The following DAB1 variants were observed in gnomAD, a reference collection of about 807,000 sequenced individuals.
DAB1 encodes disabled homolog 1.
In DAB1, 15 loss-of-function variants were observed where a neutral mutation model predicts 64.6. The ratio of observed to expected loss-of-function variants is 0.23; its 90% CI spans 0.16 to 0.36. The LOEUF is 0.36. Among genes scored for constraint, DAB1 ranks in the 10% least tolerant of loss-of-function variants. DAB1 has a pLI of 1.00. For missense variants in DAB1, 596 were observed against 706.7 expected, an observed-to-expected ratio of 0.84 and a Z score of 1.78; for synonymous variants, 235 against 251.9, an observed-to-expected ratio of 0.93 and a Z score of 0.64.
intron 1 of DAB1, among the ~76,000 whole-genome samples, chr1:57,310,007 A>G (rs1674536337): frequency 2.0e-5 from 3 of 152,244 alleles, no homozygotes; most frequent in Non-Finnish European, 4.4e-5. Flanking sequence ...AAACACGTTT[A>G]TTTACTCTTT....
At chr1:57,799,708 C>A (rs1235418398) in intron 6 of DAB1, among the ~76,000 whole-genome samples, 1 of 152,006 alleles carries the variant, frequency 6.6e-6, no homozygotes. Flanking sequence ...AATATGCAAG[C>A]TAAGAATGGT....
At chr1:58,017,807 G>A (rs1365961320) in intron 5 of DAB1, among the ~76,000 whole-genome samples, 1 of 152,168 alleles carries the variant, frequency 6.6e-6, no homozygotes, top group African/African-American at 2.4e-5. Context: ...GCTCCCAACT[G>A]GAGGCACATG....
chr1:57,229,826 T>A (rs925891624), intron 2 of DAB1, among the ~76,000 whole-genome samples: 3 of 152,210 alleles, frequency 2.0e-5, no homozygotes, highest in African/African-American at 7.2e-5. Context: ...CTGTTTCCCA[T>A]GTGAGGTCAC....
At chr1:57,532,159 A>G (rs1433470450) in intron 7 of DAB1, among the ~76,000 whole-genome samples, 1 of 152,174 alleles carries the variant, frequency 6.6e-6, no homozygotes, top group Admixed American at 6.5e-5. Flanking sequence ...TTGGTAAACT[A>G]TCAGGTAACA....
intron 2 of DAB1, among the ~76,000 whole-genome samples, chr1:58,524,816 T>A (rs1332559364): frequency 1.3e-5 from 2 of 152,200 alleles, no homozygotes; most frequent in African/African-American, 4.8e-5. Flanking sequence ...TTTACAGTAT[T>A]GCACTAAACA....
intron 1 of DAB1, among the ~76,000 whole-genome samples, chr1:57,415,418 A>T (rs555296438): frequency 6.6e-6 from 1 of 152,222 alleles, no homozygotes; most frequent in African/African-American, 2.4e-5. Context: ...GAAACAAGAC[A>T]TAAAAAGTGC....
At chr1:57,584,625 A>G (rs909228367) in intron 7 of DAB1, among the ~76,000 whole-genome samples, 17 of 152,130 alleles carry the variant, frequency 1.1e-4, no homozygotes, top group African/African-American at 4.1e-4. Flanking sequence ...CAGAAATATC[A>G]CTCAGACCTA....
chr1:57,172,419 C>T (rs1435414285), intron 2 of DAB1, among the ~76,000 whole-genome samples: 1 of 152,114 alleles, frequency 6.6e-6, no homozygotes, highest in Non-Finnish European at 1.5e-5. Context: ...GAAGTGGAAG[C>T]TCAGTAAGGT....
intron 6 of DAB1, 70 bp downstream of exon 6, chr1:57,071,452 G>GTGTTTATTTGTGTTATTTT: frequency 6.5e-7 from 1 of 1,544,326 alleles, no homozygotes. Flanking sequence ...GAGAAGGCCT[G>GTGTTTATTTGTGTTATTTT]ACTGTCAGTT....
chr1:57,981,866 TGA>T (rs1301468470), intron 5 of DAB1, among the ~76,000 whole-genome samples: 1 of 152,236 alleles, frequency 6.6e-6, no homozygotes, highest in Admixed American at 6.5e-5. Context: ...TCAATAAATA[TGA>T]GTTTCCTTTC....
intron 4 of DAB1, among the ~76,000 whole-genome samples, chr1:57,113,537 A>G (rs1655848976): frequency 6.6e-6 from 1 of 152,222 alleles, no homozygotes; most frequent in African/African-American, 2.4e-5. Context: ...TTATAGTGCA[A>G]AAGCAGCCAT....
intron 6 of DAB1, among the ~76,000 whole-genome samples, chr1:57,710,115 A>T (rs1437387497): frequency 1.3e-5 from 2 of 152,102 alleles, no homozygotes; most frequent in African/African-American, 4.8e-5. Context: ...ACCTGAAGTT[A>T]TTGGGTGTTT....
At chr1:58,068,990 C>T (rs1021437469) in intron 5 of DAB1, among the ~76,000 whole-genome samples, 1 of 152,102 alleles carries the variant, frequency 6.6e-6, no homozygotes, top group Non-Finnish European at 1.5e-5. Flanking sequence ...GCTGGGTGTG[C>T]AGAGTCCATC....
At chr1:58,510,851 T>G (rs1032266253) in intron 2 of DAB1, among the ~76,000 whole-genome samples, 3 of 151,798 alleles carry the variant, frequency 2.0e-5, no homozygotes, top group African/African-American at 7.3e-5. Flanking sequence ...AAACAGGAAA[T>G]TAAGAAACAA....
chr1:58,094,045 C>A (rs1422894922), intron 5 of DAB1, among the ~76,000 whole-genome samples: 1 of 152,298 alleles, frequency 6.6e-6, no homozygotes, highest in East Asian at 1.9e-4. Context: ...CATTACTCCC[C>A]GGTCTCTACC....
At chr1:57,904,997 T>C (rs1644529760) in intron 5 of DAB1, among the ~76,000 whole-genome samples, 1 of 152,182 alleles carries the variant, frequency 6.6e-6, no homozygotes, top group East Asian at 1.9e-4. Context: ...CTAATGATAA[T>C]AGCTAACATT....
chr1:57,008,451 G>A (rs1570481790), intron 14 of DAB1, among the ~76,000 whole-genome samples: 1 of 152,260 alleles, frequency 6.6e-6, no homozygotes, highest in East Asian at 1.9e-4. Flanking sequence ...TGGTGATGGT[G>A]ATGATGAGGG....
At chr1:57,173,302 C>T (rs1219244572) in intron 2 of DAB1, among the ~76,000 whole-genome samples, 1 of 152,154 alleles carries the variant, frequency 6.6e-6, no homozygotes. Flanking sequence ...ATCTGAAACT[C>T]TTTGCACACC....
At chr1:57,053,666 G>GTGTATATA (rs1553134281) in intron 9 of DAB1, among the ~76,000 whole-genome samples, 2 of 99,192 alleles carry the variant, frequency 2.0e-5, no homozygotes, top group African/African-American at 8.6e-5. Context: ...CTCTCTATAT[G>GTGTATATA]TATATATATA....
Sources: allele counts gnomAD v4.1 joint callset (sites outside exome capture counted in the v4.1 genomes callset), GRCh38; gene constraint gnomAD v4.1.1; transcripts MANE v1.5; gene names NCBI Gene and HGNC (gene_info 2026-07-23, HGNC 2026-07-21).